The following PCDHGA10 variants were observed in gnomAD, a reference collection of about 807,000 sequenced individuals.
PCDHGA10 encodes protocadherin gamma-A10.
In PCDHGA10, 42 loss-of-function variants were observed where a neutral mutation model predicts 59.5. That is an observed-to-expected ratio of 0.71 (90% CI 0.55 to 0.91). The LOEUF is 0.91. Among genes scored for constraint, PCDHGA10 ranks in the 40% least tolerant of loss-of-function variants. PCDHGA10 has a pLI of 0.00. For missense variants in PCDHGA10, 1,111 were observed against 1,198.2 expected (o/e 0.93, Z 1.07); for synonymous variants, 511 against 517.2 (o/e 0.99, Z 0.16).
intron 1 of PCDHGA10, chr5:141,428,187 C>T: frequency 1.4e-6 from 2 of 1,439,502 alleles, no homozygotes; most frequent in Non-Finnish European, 1.9e-6. Context: ...GGACAGCCGC[C>T]GCTCTCTGCG....
In PCDHGA10 at chr5:141,476,948, G is replaced by T; in HGVS notation, c.2437-17859G>T. 6.2e-7 allele frequency: 1 copy of T among 1,614,180 alleles called. No individual in the cohort carries two copies. On this transcript the variant is annotated intron_variant, in intron 1 of 3. Transcript: ENST00000398610. The surrounding 1 kb of genome is among the most constrained non-coding windows in gnomAD (Gnocchi z 7.6). ...GGATCTGGATGAAGGCCCCAACGGTGAAATTATTTACTCCTTCGGCAGCCA... is the reference window on the plus strand; with the variant it reads ...GGATCTGGATGAAGGCCCCAACGGTTAAATTATTTACTCCTTCGGCAGCCA...
chr5:141,484,788 TAAC>T (rs1245576501), intron 1 of PCDHGA10, among the ~76,000 whole-genome samples: 1 of 151,732 alleles, frequency 6.6e-6, no homozygotes, highest in Non-Finnish European at 1.5e-5. Flanking sequence ...CCCACAGAGA[TAAC>T]AACCCGTGGA....
chr5:141,420,123 G>A (rs1335693841), intron 1 of PCDHGA10: 1 of 1,613,968 alleles, frequency 6.2e-7, no homozygotes, highest in Non-Finnish European at 8.5e-7. Flanking sequence ...TATAATTTTT[G>A]TGTGCCTGGG....
Position 141,413,901 on chromosome 5 carries a change from C to T in PCDHGA10, c.726C>T (p.Asn242=), listed in dbSNP as rs375828969. The change falls in exon 1 of 4, where the codon AAC becomes AAT. Residue 242 remains asparagine, a synonymous_variant. Transcript: ENST00000398610. ...TGACTGTCTTCGATGCAAATGACAACGCGCCGGTCTTCACCTTGCCAGAAT... is the reference window on the plus strand; with the variant it reads ...TGACTGTCTTCGATGCAAATGACAATGCGCCGGTCTTCACCTTGCCAGAAT... The part of the protein sequence containing the change: ...VSVTVFDAND[N]APVFTLPEYR... 24 of 1,613,244 alleles carry T rather than the reference C, an allele frequency of 1.5e-5. No individual in the cohort carries two copies. The highest frequency in any genetic ancestry group is 1.1e-4 in the African/African-American group (8 of 74,870).
At chr5:141,478,496 C>G in intron 1 of PCDHGA10, 1 of 1,613,014 alleles carries the variant, frequency 6.2e-7, no homozygotes, top group Non-Finnish European at 8.5e-7. Flanking sequence ...GAGCTGTGAT[C>G]CGGTGTTCTA....
Position 141,491,793 on chromosome 5 carries a change from C to A in PCDHGA10, c.2437-3014C>A. 6.6e-7 allele frequency: 1 copy of A among 1,511,410 alleles called. No homozygotes were observed. The highest frequency in any genetic ancestry group is 1.3e-5 in the South Asian group (1 of 77,572). The allele number at this position is 1,511,410 out of a possible 1,614,324, so 93.6% of individuals were successfully genotyped here. On this transcript the variant is annotated intron_variant, in intron 1 of 3. Coordinates refer to ENST00000398610, the MANE Select transcript of PCDHGA10 (RefSeq NM_018913.3). This position sits in a 1 kb window ranked among gnomAD's most constrained non-coding sequence, Gnocchi z 6.9. ...AGGGATTGAACTTGCATCCACTCCT[C>A]TCCGGCCGGCTTGGTCGCTGGCTGC...
intron 3 of PCDHGA10, among the ~76,000 whole-genome samples, chr5:141,506,799 A>G (rs1026030023): frequency 5.3e-5 from 8 of 152,198 alleles, no homozygotes; most frequent in Admixed American, 3.9e-4. Flanking sequence ...CTGGCAGAGG[A>G]TCAAGGCATT....
chr5:141,446,532 A>G (rs1443843436), intron 1 of PCDHGA10, among the ~76,000 whole-genome samples: 1 of 151,788 alleles, frequency 6.6e-6, no homozygotes, highest in Non-Finnish European at 1.5e-5. Flanking sequence ...GCTGGAGTGC[A>G]GTGGCCCTAT....
chr5:141,419,660 A>C (rs759082983), intron 1 of PCDHGA10: 1 of 1,612,798 alleles, frequency 6.2e-7, no homozygotes, highest in Admixed American at 1.7e-5. Context: ...CTCGGGGCAC[A>C]ATGCCTGGCT....
chr5:141,471,730 G>A (rs535784858), intron 1 of PCDHGA10, among the ~76,000 whole-genome samples: 1 of 152,292 alleles, frequency 6.6e-6, no homozygotes, highest in East Asian at 1.9e-4. Context: ...GGTAAGGAAG[G>A]TTGGAGACAT....
In PCDHGA10 at chr5:141,472,816, G is replaced by A. The variant is rs1186234004; in HGVS notation, c.2437-21991G>A. On this transcript the variant is annotated intron_variant, in intron 1 of 3. Transcript: ENST00000398610. ...GCCTGACCAACATGGAGAAACCCCC[G>A]TCTCTACTAAAAATAGAAAATTAGC... 4.6e-5 allele frequency among the ~76,000 whole-genome samples: 7 copies of A among 151,374 alleles called. No individual in the cohort carries two copies. In the South Asian group the frequency reaches 6.2e-4, roughly 14 times the overall value.
rs1290674122 is a variant in PCDHGA10 at position 141,489,521 on chromosome 5, G to A, written c.2437-5286G>A. 3 of 1,613,988 alleles carry A rather than the reference G, an allele frequency of 1.9e-6. No individual in the cohort carries two copies. The highest frequency in any genetic ancestry group is 2.2e-5 in the East Asian group (1 of 44,886). On this transcript the variant is annotated intron_variant, in intron 1 of 3. Coordinates refer to ENST00000398610, the MANE Select transcript of PCDHGA10 (RefSeq NM_018913.3). This position sits in a 1 kb window ranked among gnomAD's most constrained non-coding sequence, Gnocchi z 4.5. ...GTGAATCAAAAGATTGACCGAGAAAGCCTATGTGGAGCCAGCACCAGCTGC... is the reference window on the plus strand; with the variant it reads ...GTGAATCAAAAGATTGACCGAGAAAACCTATGTGGAGCCAGCACCAGCTGC...
intron 1 of PCDHGA10, chr5:141,441,867 GCCTGGCTA>G (rs2098280856): frequency 1.2e-5 from 4 of 345,682 alleles, no homozygotes; most frequent in Non-Finnish European, 2.3e-5. Flanking sequence ...ACGCCGCGGA[GCCTGGCTA>G]CCTGGTCACC....
intron 1 of PCDHGA10, among the ~76,000 whole-genome samples, chr5:141,461,126 T>C (rs575819058): frequency 6.6e-6 from 1 of 152,260 alleles, no homozygotes; most frequent in Non-Finnish European, 1.5e-5. Flanking sequence ...TTTCATATAA[T>C]TACTTATTTT....
rs532631149 is a variant in PCDHGA10, at chr5:141,506,489, C to A, written c.2584+1008C>A. On this transcript the variant is annotated intron_variant, in intron 3 of 3. Transcript: ENST00000398610. ...AAGAGCACAGGCTTTAGAGGCAGGC[C>A]AATCTGGATTCAAATCCTGGCACCT... 1.9e-4 allele frequency among the ~76,000 whole-genome samples: 29 copies of A among 150,750 alleles called. 1 individual carries two copies. In the South Asian group the frequency reaches 5.9e-3, roughly 31 times the overall value.
chr5:141,428,307 C>A, intron 1 of PCDHGA10: 1 of 688,030 alleles, frequency 1.5e-6, no homozygotes, highest in South Asian at 1.6e-5. Flanking sequence ...TTTACCTGGT[C>A]GTGGCCTTGG....
chr5:141,423,708 T>A (rs1384948123), intron 1 of PCDHGA10: 23 of 1,349,902 alleles, frequency 1.7e-5, no homozygotes, highest in Non-Finnish European at 2.2e-5. Flanking sequence ...TTGGCACAAG[T>A]CTTTTAAGGA....
rs1386912520 is a variant in PCDHGA10 at position 141,505,425 on chromosome 5, C to T, written c.2528C>T (p.Pro843Leu). 1.2e-6 allele frequency: 2 copies of T among 1,614,060 alleles called. No individual in the cohort carries two copies. The highest frequency in any genetic ancestry group is 1.7e-6 in the Non-Finnish European group (2 of 1,180,022). The change falls in exon 3 of 4, where the codon CCC becomes CTC. Residue 843 changes from proline to leucine, a missense_variant. Physicochemically the swap from Pro to Leu is moderately conservative, Grantham distance 98 (BLOSUM62 -3). Transcript: ENST00000398610. ...AATGGCGATGACACCGGCACCTGGC[C>T]CAACAACCAGTTTGACACAGAGATG... ...SQNGDDTGTW[P>L]NNQFDTEMLQ... is the part of the protein sequence containing the mutation.
intron 1 of PCDHGA10, among the ~76,000 whole-genome samples, chr5:141,459,962 C>T (rs994878993): frequency 5.3e-5 from 8 of 152,290 alleles, no homozygotes; most frequent in South Asian, 2.1e-4. Flanking sequence ...CCTGTAATCC[C>T]AGCTACTCAG....
Sources: allele counts gnomAD v4.1 joint callset (sites outside exome capture counted in the v4.1 genomes callset), GRCh38; gene constraint gnomAD v4.1.1; non-coding constraint Gnocchi (gnomAD v3.1); transcripts MANE v1.5; gene names NCBI Gene and HGNC (gene_info 2026-07-23, HGNC 2026-07-21).